KCNK2: variants seen among roughly 807,000 people sequenced by gnomAD.
KCNK2 encodes potassium two pore domain channel subfamily K member 2.
Under a neutral mutation model 40.5 loss-of-function variants are expected in KCNK2, and 21 were observed. The observed-to-expected ratio is 0.52, with a 90% CI of 0.37 to 0.75. The LOEUF is 0.75. Among genes scored for constraint, KCNK2 ranks in the 30% least tolerant of loss-of-function variants. The pLI, the probability that KCNK2 is intolerant of heterozygous loss-of-function variation, is 0.00. For missense variants in KCNK2, 399 were observed against 531.6 expected, an observed-to-expected ratio of 0.75 and a Z score of 2.45; for synonymous variants, 191 against 202.2, an observed-to-expected ratio of 0.94 and a Z score of 0.47.
chr1:215,201,778 T>C (rs930395569), intron 6 of KCNK2, among the ~76,000 whole-genome samples: 1 of 152,164 alleles, frequency 6.6e-6, no homozygotes, highest in African/African-American at 2.4e-5. Context: ...CTTCCTCCAA[T>C]GCTAGAAAAA....
intron 6 of KCNK2, among the ~76,000 whole-genome samples, chr1:215,230,411 T>C (rs548454519): frequency 6.8e-6 from 1 of 147,162 alleles, no homozygotes; most frequent in African/African-American, 2.5e-5. Context: ...AGTATTATAG[T>C]TTTATTGGAT....
chr1:215,195,182 T>TC, intron 6 of KCNK2, 90 bp downstream of exon 6: 1 of 1,022,086 alleles, frequency 9.8e-7, no homozygotes, highest in Non-Finnish European at 1.4e-6. Flanking sequence ...TTTAAAATAT[T>TC]TAAACATTTT....
At chr1:215,061,196 A>G (rs1369110314) in intron 1 of KCNK2, among the ~76,000 whole-genome samples, 1 of 152,158 alleles carries the variant, frequency 6.6e-6, no homozygotes, top group Admixed American at 6.5e-5. Context: ...ACTAGCTTAT[A>G]TGAGAATGAA....
chr1:215,179,341 T>G (rs1664127736), intron 5 of KCNK2, among the ~76,000 whole-genome samples: 1 of 152,062 alleles, frequency 6.6e-6, no homozygotes, highest in Non-Finnish European at 1.5e-5. Flanking sequence ...TGAGTCTCAA[T>G]TTCATTTAGT....
Position 215,171,943 on chromosome 1 carries a change from C to A in KCNK2, c.637-54C>A, listed in dbSNP as rs74140944. The A allele has an allele frequency of 5.2e-5, 54 of 1,039,322 alleles. 1 individual carries two copies. The highest frequency in any genetic ancestry group is 7.3e-5 in the Non-Finnish European group (54 of 737,898). The allele number at this position is 1,039,322 out of a possible 1,614,324, so 64.4% of individuals were successfully genotyped here. On this transcript the variant is annotated intron_variant, in intron 4 of 6. Transcript: ENST00000444842. ...TTGTCTCTCTCTCTCTCTCTCTCTC[C>A]CCCCATTTATATACATATATATATA...
At chr1:215,021,911 T>C (rs2601621) in intron 1 of KCNK2, among the ~76,000 whole-genome samples, 66,716 of 151,834 alleles carry the variant, frequency 0.44, 16,353 homozygotes, top group Non-Finnish European at 0.55. Flanking sequence ...TGGGTTCTGA[T>C]ATTGTACCAG....
rs979315851 is a variant in KCNK2, at chr1:215,235,645, C to T, written c.*500C>T. 1 of 153,194 alleles carries T rather than the reference C, an allele frequency of 6.5e-6. No individual in the cohort carries two copies. Among genetic ancestry groups the T allele is most frequent in the African/African-American group, 2.4e-5 (1 of 41,358 alleles). 9.5% of individuals were successfully genotyped at this position (153,194 alleles called of 1,614,324 possible). ...GCCTTATCTTATGAAGAAACAGAAC[C>T]TCTCTAGCTAATGTGTGGTTTCTCC... On this transcript the variant is annotated 3_prime_UTR_variant, in exon 7 of 7. Transcript: ENST00000444842.
At chr1:215,148,544 A>G (rs1349611799) in intron 3 of KCNK2, among the ~76,000 whole-genome samples, 3 of 152,202 alleles carry the variant, frequency 2.0e-5, no homozygotes, top group African/African-American at 7.2e-5. Context: ...AAAAACCTAT[A>G]GATTGCTCTT....
At chr1:215,208,092 T>C (rs1252430580) in intron 6 of KCNK2, among the ~76,000 whole-genome samples, 4 of 152,126 alleles carry the variant, frequency 2.6e-5, no homozygotes, top group African/African-American at 9.7e-5. Context: ...TGCAACACTA[T>C]TCACAATAGC....
rs753767248 is a variant in KCNK2 at position 215,086,453 on chromosome 1, T to A, written c.132T>A (p.Leu44=). The change falls in exon 2 of 7, where the codon CTT becomes CTA. Residue 44 remains leucine, a synonymous_variant. Transcript: ENST00000444842. ...CGTTTTCCACGAAACCCACAGTGCT[T>A]GCTTCCCGGGTGGAGAGTGACACGA... ...RLSFSTKPTV[L]ASRVESDTTI... 6 of 1,614,110 alleles carry A rather than the reference T, an allele frequency of 3.7e-6. No homozygotes were observed. Among genetic ancestry groups the A allele is most frequent in the Non-Finnish European group, 3.4e-6 (4 of 1,179,998 alleles).
At chr1:215,147,589 T>C (rs973369602) in intron 3 of KCNK2, among the ~76,000 whole-genome samples, 65 of 152,308 alleles carry the variant, frequency 4.3e-4, no homozygotes, top group African/African-American at 1.5e-3. Flanking sequence ...CCCAGCACTT[T>C]GGGAAGCTGA....
rs571010841 is a variant in KCNK2, at chr1:215,201,470, GT to G, written c.963+6383del. Among the ~76,000 whole-genome samples the G allele has an allele frequency of 2.4e-4, 36 of 152,258 alleles. No homozygotes were observed. In the East Asian group the frequency reaches 6.4e-3, roughly 27 times the overall value. ...AATTTCAAAGGGCAACAGTCACAGT[GT>G]TTTTATGGAAATGGGAGCCCTTGGA... On this transcript the variant is annotated intron_variant, in intron 6 of 6. Coordinates refer to ENST00000444842, the MANE Select transcript of KCNK2 (RefSeq NM_001017425.3).
chr1:215,054,497 A>G (rs952082324), intron 1 of KCNK2, among the ~76,000 whole-genome samples: 1 of 152,212 alleles, frequency 6.6e-6, no homozygotes, highest in Non-Finnish European at 1.5e-5. Context: ...TTCCTCACAC[A>G]TATACCAGAT....
At chr1:215,130,308 G>A (rs1228335347) in intron 3 of KCNK2, among the ~76,000 whole-genome samples, 3 of 152,134 alleles carry the variant, frequency 2.0e-5, no homozygotes, top group Admixed American at 2.0e-4. Flanking sequence ...GGTGGGGGAA[G>A]CTGTGGAACA....
intron 1 of KCNK2, chr1:215,083,646 G>T (rs927599061): frequency 3.8e-5 from 23 of 604,798 alleles, no homozygotes; most frequent in Non-Finnish European, 6.2e-5. Context: ...GGTGCCCGGG[G>T]TTTTTGCATC....
intron 1 of KCNK2, among the ~76,000 whole-genome samples, chr1:215,057,433 C>T (rs903600642): frequency 6.6e-6 from 1 of 152,084 alleles, no homozygotes; most frequent in Non-Finnish European, 1.5e-5. Context: ...TTGGGTGTGA[C>T]AGCTGAGGCA....
chr1:215,147,963 A>T (rs1311734346), intron 3 of KCNK2, among the ~76,000 whole-genome samples: 1 of 151,832 alleles, frequency 6.6e-6, no homozygotes, highest in Non-Finnish European at 1.5e-5. Context: ...CTTTTTTCTC[A>T]TCCTACTTTC....
intron 1 of KCNK2, among the ~76,000 whole-genome samples, chr1:215,044,824 TGTGC>T (rs1189745551): frequency 0.052 from 2,711 of 52,444 alleles, 72 homozygotes; most frequent in African/African-American, 0.1. Context: ...TGTGTGTGTG[TGTGC>T]GCGCGCACAC....
chr1:215,080,322 A>T (rs1488137623), upstream of KCNK2, among the ~76,000 whole-genome samples: 1 of 152,198 alleles, frequency 6.6e-6, no homozygotes, highest in African/African-American at 2.4e-5. Flanking sequence ...GGGAATGAAA[A>T]AGAATAATCG....
Sources: allele counts gnomAD v4.1 joint callset (sites outside exome capture counted in the v4.1 genomes callset), GRCh38; gene constraint gnomAD v4.1.1; transcripts MANE v1.5; gene names NCBI Gene and HGNC (gene_info 2026-07-23, HGNC 2026-07-21).